The following POT1 variants were observed in gnomAD, a reference collection of about 807,000 sequenced individuals.
The protein encoded by POT1 is protection of telomeres 1.
In POT1, 47 loss-of-function variants were observed where a neutral mutation model predicts 78.5. The observed-to-expected ratio is 0.60, with a 90% CI of 0.47 to 0.76. POT1 has a LOEUF of 0.76. Among genes scored for constraint, POT1 ranks in the 30% least tolerant of loss-of-function variants. POT1 has a pLI of 0.00. For missense variants in POT1, 646 were observed against 749.9 expected (o/e 0.86, Z 1.62); for synonymous variants, 259 against 260.7 (o/e 0.99, Z 0.06).
intron 14 of POT1, 52 bp from the exon 15 acceptor site, chr7:124,835,466 A>G (rs1398783522): frequency 1.9e-6 from 3 of 1,565,354 alleles, no homozygotes; most frequent in East Asian, 4.5e-5. Context: ...AATGTAGACA[A>G]GTACAGTCCT....
intron 6 of POT1, among the ~76,000 whole-genome samples, chr7:124,875,974 G>A (rs2116582146): frequency 6.6e-6 from 1 of 152,250 alleles, no homozygotes; most frequent in African/African-American, 2.4e-5. Flanking sequence ...AAAGGTAGTG[G>A]AAAGAATAGG....
At chr7:124,881,147 CT>C (rs1042848903) in intron 6 of POT1, among the ~76,000 whole-genome samples, 180 of 151,978 alleles carry the variant, frequency 1.2e-3, no homozygotes, top group African/African-American at 4.1e-3. Context: ...ACCGAGTGTA[CT>C]TACACAAGCC....
intron 8 of POT1, among the ~76,000 whole-genome samples, chr7:124,863,079 A>G (rs1204852971): frequency 1.3e-5 from 2 of 152,166 alleles, no homozygotes; most frequent in Non-Finnish European, 1.5e-5. Flanking sequence ...TCTACATCTT[A>G]TTACTACTAA....
At chr7:124,904,982 T>A (rs1796723771) in intron 3 of POT1, among the ~76,000 whole-genome samples, 1 of 152,076 alleles carries the variant, frequency 6.6e-6, no homozygotes, top group South Asian at 2.1e-4. Context: ...CACTGCTCAA[T>A]GAAATAAAAG....
chr7:124,924,979 A>G (rs1316460411), intron 2 of POT1, among the ~76,000 whole-genome samples: 2 of 152,128 alleles, frequency 1.3e-5, no homozygotes, highest in African/African-American at 4.8e-5. Flanking sequence ...AATAAAGGTC[A>G]TGTATGACAA....
At chr7:124,865,365 A>G (rs1213476722) in intron 7 of POT1, among the ~76,000 whole-genome samples, 8 of 152,080 alleles carry the variant, frequency 5.3e-5, no homozygotes, top group Non-Finnish European at 1.0e-4. Context: ...CCTTATTTCT[A>G]TAAATATTTT....
Position 124,825,342 on chromosome 7 carries a change from T to G in POT1, c.1702A>C (p.Ile568Leu), listed in dbSNP as rs150719673. 1 of 1,604,766 alleles carries G rather than the reference T, an allele frequency of 6.2e-7. No homozygotes were observed. Among genetic ancestry groups the G allele is most frequent in the Non-Finnish European group, 8.5e-7 (1 of 1,175,220 alleles). The stretch of plus-strand genomic sequence containing the variant: ...TCCATCAGAACTTCTGATGCTGGAA[T>G]CTGGAAGAATTTGTCCTTAAAAATG... ...YLMDSDKFFQ[I>L]PASEVLMDDD... Residue 568 changes from isoleucine to leucine, a missense_variant, in exon 18 of 19, where the codon ATT (isoleucine) becomes CTT (leucine). Ile to Leu is a conservative substitution (Grantham distance 5). This residue lies in a region of POT1 where 394 missense variants were observed against 408.4 expected (regional missense o/e 0.96). Transcript: ENST00000357628.
intron 3 of POT1, among the ~76,000 whole-genome samples, chr7:124,909,070 A>C: frequency 6.6e-6 from 1 of 151,944 alleles, no homozygotes; most frequent in East Asian, 1.9e-4. Context: ...CTCTTTCAGA[A>C]CTAACTCTAA....
rs772171021 is a variant in POT1 at position 124,823,949 on chromosome 7, T to C, written c.*13A>G. The stretch of plus-strand genomic sequence containing the variant: ...GTGGCAACATTTTATGTATGCTAAA[T>C]TGGATGGCAATATTAGATTACATCT... On this transcript the variant is annotated 3_prime_UTR_variant, in exon 19 of 19. Coordinates refer to ENST00000357628, the MANE Select transcript of POT1 (RefSeq NM_015450.3). The C allele has an allele frequency of 4.0e-6, 6 of 1,500,244 alleles. No individual in the cohort carries two copies. Among genetic ancestry groups the C allele is most frequent in the South Asian group, 3.5e-5 (3 of 86,602 alleles). The allele number at this position is 1,500,244 out of a possible 1,614,324, so 92.9% of individuals were successfully genotyped here. A position where few individuals can be genotyped will look rare whatever the true frequency, so the allele number is the denominator to read the frequency against.
chr7:124,917,909 C>T (rs1208189530), intron 2 of POT1, among the ~76,000 whole-genome samples: 1 of 152,126 alleles, frequency 6.6e-6, no homozygotes, highest in Non-Finnish European at 1.5e-5. Context: ...GAAAGGGAAT[C>T]CCTTAGGTCC....
intron 6 of POT1, among the ~76,000 whole-genome samples, chr7:124,876,263 C>A (rs996839663): frequency 3.9e-5 from 6 of 152,088 alleles, no homozygotes; most frequent in African/African-American, 1.4e-4. Flanking sequence ...TTTTTATAAT[C>A]TTTAATGACT....
rs1584758342 is a variant in POT1, at chr7:124,842,809, C to A, written c.1161G>T (p.Leu387Phe). The A allele has an allele frequency of 6.3e-7, 1 of 1,595,530 alleles. No individual in the cohort carries two copies. Among genetic ancestry groups the A allele is most frequent in the Non-Finnish European group, 8.5e-7 (1 of 1,175,028 alleles). The stretch of plus-strand genomic sequence containing the variant: ...GTTTTATTATGGAAAATACTCACAG[C>A]AAATGACATTTAGGGCAATGAAGTT... ...SVKLHCPKCH[L>F]LQEVPHEGDL... Residue 387 changes from leucine to phenylalanine, a missense_variant and splice_region_variant, in exon 13 of 19, where the codon TTG (leucine) becomes TTT (phenylalanine). By Grantham distance (22) the Leu-to-Phe change is conservative. Around this residue, in one of 2 missense-constraint regions of POT1, gnomAD observed 394 missense variants for 408.4 expected, o/e 0.96. Transcript: ENST00000357628.
chr7:124,877,426 T>A (rs1355623197), intron 6 of POT1, among the ~76,000 whole-genome samples: 1 of 151,232 alleles, frequency 6.6e-6, no homozygotes, highest in Non-Finnish European at 1.5e-5. Flanking sequence ...AAAAGCAGAG[T>A]ACGGACAATA....
chr7:124,874,768 G>A (rs1347909104), intron 6 of POT1, among the ~76,000 whole-genome samples: 1 of 150,932 alleles, frequency 6.6e-6, no homozygotes, highest in African/African-American at 2.4e-5. Flanking sequence ...AGAAAATGAG[G>A]TTAGGAAGAC....
intron 2 of POT1, among the ~76,000 whole-genome samples, chr7:124,917,568 A>T (rs543741649): frequency 3.3e-5 from 5 of 152,316 alleles, no homozygotes; most frequent in African/African-American, 1.2e-4. Flanking sequence ...CAAGACGTAC[A>T]GCTTTGAACA....
chr7:124,834,993 A>G (rs1387694241), intron 15 of POT1, among the ~76,000 whole-genome samples: 18 of 152,276 alleles, frequency 1.2e-4, no homozygotes, highest in Admixed American at 1.1e-3. Flanking sequence ...TAACACCAGA[A>G]CAGAAAACCA....
intron 3 of POT1, among the ~76,000 whole-genome samples, chr7:124,911,642 G>T (rs566232337): frequency 6.6e-6 from 1 of 152,030 alleles, no homozygotes; most frequent in African/African-American, 2.4e-5. Context: ...AAACTAACAC[G>T]ACACTGATTT....
chr7:124,907,083 A>G (rs1428741560), intron 3 of POT1, among the ~76,000 whole-genome samples: 1 of 152,104 alleles, frequency 6.6e-6, no homozygotes, highest in African/African-American at 2.4e-5. Context: ...AAGTTAGGAG[A>G]CCAGCCTGGA....
intron 8 of POT1, among the ~76,000 whole-genome samples, chr7:124,862,030 G>C (rs1463184547): frequency 6.6e-6 from 1 of 152,150 alleles, no homozygotes; most frequent in Non-Finnish European, 1.5e-5. Flanking sequence ...GTTGAAGTCA[G>C]GTAGCATGAT....
Sources: gnomAD v4.1 joint callset for allele counts (sites outside exome capture counted in the v4.1 genomes callset) on GRCh38, gnomAD v4.1.1 for gene constraint, gnomAD v4.1.1 regional missense constraint, MANE v1.5 for transcripts, NCBI Gene and HGNC (gene_info 2026-07-23, HGNC 2026-07-21) for gene names.